Variants in SUGCT observed in about 807,000 individuals in gnomAD.
SUGCT encodes succinyl-CoA:glutarate-CoA transferase, also known as succinyl-CoA:glutarate CoA-transferase.
Under a neutral mutation model 55.0 loss-of-function variants are expected in SUGCT, and 41 were observed. That is an observed-to-expected ratio of 0.74 (90% CI 0.58 to 0.97). SUGCT has a LOEUF of 0.97. SUGCT is among the 50% of genes least tolerant of loss of function. SUGCT has a pLI of 0.00. For synonymous variants in SUGCT, 187 were observed against 200.4 expected (o/e 0.93, Z 0.56); for missense variants, 568 against 547.8 (o/e 1.04, Z -0.37).
rs1387640919 is a variant in SUGCT at position 40,511,046 on chromosome 7, G to C, written c.1089+14660G>C. On this transcript the variant is annotated intron_variant, in intron 12 of 13. Transcript: ENST00000335693. ...CATTCTAGAACTACAGAATATTTTA[G>C]ATAGAGTGCTGTTGCTGTGTACATA... Among the ~76,000 whole-genome samples, 4 of 152,298 alleles carry C rather than the reference G, an allele frequency of 2.6e-5. No individual in the cohort carries two copies. The East Asian group carries it at 7.7e-4, about 29-fold the overall frequency.
At chr7:40,421,899 G>C (rs1028845218) in intron 9 of SUGCT, among the ~76,000 whole-genome samples, 8 of 152,046 alleles carry the variant, frequency 5.3e-5, no homozygotes, top group Non-Finnish European at 1.0e-4. Context: ...AGTTCTCAGA[G>C]ATCTCCGACC....
At chr7:40,463,545 C>T (rs141408184) in intron 11 of SUGCT, among the ~76,000 whole-genome samples, 1 of 152,194 alleles carries the variant, frequency 6.6e-6, no homozygotes, top group African/African-American at 2.4e-5. Context: ...GAAGTACCTA[C>T]CAGAGTTGTC....
the SUGCT span, among the ~76,000 whole-genome samples, chr7:40,967,562 C>T: frequency 0.016 from 2,446 of 152,222 alleles, 30 homozygotes; most frequent in Middle Eastern, 0.038. Context: ...TAAATTCTGG[C>T]TACATAGCAT....
chr7:40,386,487 A>G (rs1232565076), intron 9 of SUGCT, among the ~76,000 whole-genome samples: 1 of 152,118 alleles, frequency 6.6e-6, no homozygotes, highest in African/African-American at 2.4e-5. Flanking sequence ...CTAATTTCCT[A>G]ATTTGTTAGC....
intron 6 of SUGCT, among the ~76,000 whole-genome samples, chr7:40,231,977 T>TTGG (rs1365568663): frequency 3.9e-5 from 6 of 152,148 alleles, no homozygotes; most frequent in African/African-American, 4.8e-5. Context: ...GGTGCATGCC[T>TTGG]GTGGTCACAG....
chr7:40,208,541 G>C (rs1452530165), intron 6 of SUGCT, among the ~76,000 whole-genome samples: 1 of 151,788 alleles, frequency 6.6e-6, no homozygotes, highest in Non-Finnish European at 1.5e-5. Flanking sequence ...ATATTCTCTT[G>C]TTCAAGAATA....
At chr7:40,835,342 T>C (rs939266320) in intron 13 of SUGCT, among the ~76,000 whole-genome samples, 3 of 152,228 alleles carry the variant, frequency 2.0e-5, no homozygotes, top group African/African-American at 7.2e-5. Flanking sequence ...GAACTAGATG[T>C]GGACTGTTTT....
Position 40,210,072 on chromosome 7 carries a change from T to C in SUGCT, c.484+15012T>C, listed in dbSNP as rs189807193. Among the ~76,000 whole-genome samples the C allele has an allele frequency of 3.7e-3, 567 of 152,122 alleles. 2 individuals carry two copies. The highest frequency in any genetic ancestry group is 0.013 in the African/African-American group (545 of 41,516). On this transcript the variant is annotated intron_variant, in intron 6 of 13. Transcript: ENST00000335693. ...TTCTATTTTTCTTTTTTTTAAAAAA[T>C]TTAATTTTATTTATTTACTTTTTGA...
chr7:40,221,572 G>C (rs67438499), intron 6 of SUGCT, among the ~76,000 whole-genome samples: 82,739 of 144,152 alleles, frequency 0.57, 25,602 homozygotes, highest in African/African-American at 0.82. Context: ...CTCACTGCAA[G>C]CTCCGCCTCC....
At chr7:40,714,915 G>A (rs1185859730) in intron 12 of SUGCT, among the ~76,000 whole-genome samples, 2 of 152,182 alleles carry the variant, frequency 1.3e-5, no homozygotes, top group East Asian at 1.9e-4. Flanking sequence ...ACACTGGGTA[G>A]TGCCACTTCT....
At chr7:40,971,563 A>C in the SUGCT span, among the ~76,000 whole-genome samples, 1 of 152,198 alleles carries the variant, frequency 6.6e-6, no homozygotes, top group East Asian at 1.9e-4. Flanking sequence ...GCTGAGTCTC[A>C]GGCTTCCTGG....
intron 9 of SUGCT, among the ~76,000 whole-genome samples, chr7:40,334,614 G>A (rs1385916316): frequency 6.6e-6 from 1 of 152,000 alleles, no homozygotes; most frequent in African/African-American, 2.4e-5. Flanking sequence ...TTTTTTTCTT[G>A]TAAATTTGTT....
chr7:40,161,454 T>G (rs2150644970), intron 1 of SUGCT, among the ~76,000 whole-genome samples: 1 of 152,318 alleles, frequency 6.6e-6, no homozygotes, highest in African/African-American at 2.4e-5. Flanking sequence ...CATGCATATT[T>G]TTTTTGCTGT....
At chr7:40,451,957 G>A (rs1488377874) in intron 10 of SUGCT, among the ~76,000 whole-genome samples, 7 of 152,200 alleles carry the variant, frequency 4.6e-5, no homozygotes, top group Non-Finnish European at 8.8e-5. Context: ...CTTTCGTCAA[G>A]TACACTCCAT....
chr7:40,896,477 G>A, the SUGCT span, among the ~76,000 whole-genome samples: 1 of 152,126 alleles, frequency 6.6e-6, no homozygotes, highest in African/African-American at 2.4e-5. Context: ...TTGTGGGAGG[G>A]AACCAATGGG....
chr7:40,255,086 G>T (rs971475481), intron 7 of SUGCT, among the ~76,000 whole-genome samples: 2 of 151,206 alleles, frequency 1.3e-5, no homozygotes, highest in African/African-American at 4.9e-5. Context: ...AATTAGCCAT[G>T]CGTGGTGGCA....
At chr7:40,846,197 CCAAA>C (rs778200720) in intron 13 of SUGCT, among the ~76,000 whole-genome samples, 15 of 152,210 alleles carry the variant, frequency 9.9e-5, no homozygotes, top group Middle Eastern at 3.4e-3. Context: ...TGAAATCTAA[CCAAA>C]CAAAGTCTTG....
At chr7:40,196,262 A>G (rs762228589) in intron 6 of SUGCT, among the ~76,000 whole-genome samples, 64 of 152,318 alleles carry the variant, frequency 4.2e-4, no homozygotes, top group Non-Finnish European at 8.1e-4. Flanking sequence ...GATAGAGAAA[A>G]GTGACTCATA....
the SUGCT span, among the ~76,000 whole-genome samples, chr7:40,925,521 T>A: frequency 2.0e-5 from 3 of 152,204 alleles, no homozygotes; most frequent in African/African-American, 4.8e-5. Flanking sequence ...CTATTTAATT[T>A]TAAGTGGTAT....
Sources: allele counts gnomAD v4.1 joint callset (sites outside exome capture counted in the v4.1 genomes callset), GRCh38; gene constraint gnomAD v4.1.1; transcripts MANE v1.5; gene names NCBI Gene and HGNC (gene_info 2026-07-23, HGNC 2026-07-21).